Variants in ZSCAN1 observed in about 807,000 individuals in gnomAD.
The protein encoded by ZSCAN1 is zinc finger and SCAN domain-containing protein 1.
A neutral mutation model predicts 23.8 loss-of-function variants in ZSCAN1; 23 were observed. That is an observed-to-expected ratio of 0.97 (90% CI 0.70 to 1.37). ZSCAN1 has a LOEUF of 1.37. Ranked by LOEUF, ZSCAN1 falls within the 40% of genes most tolerant of loss-of-function variation. The pLI is 0.00. For missense variants in ZSCAN1, 575 were observed against 554.0 expected (o/e 1.04, Z -0.38); for synonymous variants, 236 against 232.3 (o/e 1.02, Z -0.15).
chr19:58,040,915 G>A lies in ZSCAN1; in HGVS notation c.465+371G>A, dbSNP rs1379931844. 2.0e-5 allele frequency among the ~76,000 whole-genome samples: 3 copies of A among 152,130 alleles called. No homozygotes were observed. Among genetic ancestry groups the A allele is most frequent in the East Asian group, 1.9e-4 (1 of 5,180 alleles). On this transcript the variant is annotated intron_variant, in intron 4 of 5. Transcript: ENST00000282326. This position sits in a 1 kb window ranked among gnomAD's most constrained non-coding sequence, Gnocchi z 5.8. Reference sequence around the variant, plus strand: ...CCTCAGTGAACCCAGGATTCTGGGCGGGCCCAGAAGGAAATGCTGAGGGCT... The same window carrying A: ...CCTCAGTGAACCCAGGATTCTGGGCAGGCCCAGAAGGAAATGCTGAGGGCT...
chr19:58,044,730 G>A, intron 4 of ZSCAN1: 3 of 742,524 alleles, frequency 4.0e-6, no homozygotes, highest in Middle Eastern at 3.6e-4. Context: ...GGAGCTGCCC[G>A]AAAGTTTCAT....
intron 4 of ZSCAN1, among the ~76,000 whole-genome samples, chr19:58,042,845 C>T (rs970330747): frequency 6.6e-6 from 1 of 152,222 alleles, no homozygotes; most frequent in Non-Finnish European, 1.5e-5. Context: ...GTCCTCCCAC[C>T]CCTCTCCCAC....
chr19:58,038,325 C>A (rs2073757318), intron 3 of ZSCAN1, 119 bp downstream of exon 3: 4 of 1,288,062 alleles, frequency 3.1e-6, no homozygotes, highest in Non-Finnish European at 4.2e-6. Flanking sequence ...TCCCGACCAG[C>A]AAACCTCTCC....
At chr19:58,044,982 G>GA (rs2073815408) in intron 4 of ZSCAN1, 1 of 1,126,490 alleles carries the variant, frequency 8.9e-7, no homozygotes, top group Non-Finnish European at 1.3e-6. Context: ...ACAAGAACAA[G>GA]AAGCTGGAGG....
intron 4 of ZSCAN1, chr19:58,044,712 G>A: frequency 4.0e-6 from 3 of 757,246 alleles, no homozygotes; most frequent in Non-Finnish European, 7.2e-6. Flanking sequence ...CCAGCACCCT[G>A]GGGTTGAGGA....
Position 58,054,050 on chromosome 19 carries a change from G to A in ZSCAN1, c.1226G>A (p.Ter409=), listed in dbSNP as rs201828583. ...QKLHTAHGHM[*] ...CTCCACACGGCCCACGGCCACATGT[G>A]AATGGCCAGCCTCGGGCCTCGGCCA... The change falls in exon 6 of 6, where the codon TGA becomes TAA. Residue 409 remains the stop codon, a stop_retained_variant. Transcript: ENST00000282326. This position sits in a 1 kb window ranked among gnomAD's most constrained non-coding sequence, Gnocchi z 4.2. 1 of 1,506,478 alleles carries A rather than the reference G, an allele frequency of 6.6e-7. No homozygotes were observed. The highest frequency in any genetic ancestry group is 2.2e-5 in the Admixed American group (1 of 45,260). The allele number at this position is 1,506,478 out of a possible 1,614,324, so 93.3% of individuals were successfully genotyped here. A position where few individuals can be genotyped will look rare whatever the true frequency, so the allele number is the denominator to read the frequency against.
Position 58,049,917 on chromosome 19 carries a change from T to A in ZSCAN1, c.466-2573T>A, listed in dbSNP as rs2073848564. Among the ~76,000 whole-genome samples, 1 of 152,184 alleles carries A rather than the reference T, an allele frequency of 6.6e-6. No individual in the cohort carries two copies. Among genetic ancestry groups the A allele is most frequent in the Admixed American group, 6.5e-5 (1 of 15,280 alleles). On this transcript the variant is annotated intron_variant, in intron 4 of 5. Coordinates refer to ENST00000282326, the MANE Select transcript of ZSCAN1 (RefSeq NM_182572.4). This position sits in a 1 kb window ranked among gnomAD's most constrained non-coding sequence, Gnocchi z 4.5. ...TTTCTTGTGGGCATTCTCGGGTTTT[T>A]TCACTTTACTCCACTGTGTTGCTGC...
intron 1 of ZSCAN1, chr19:58,035,436 A>C (rs1437989389): frequency 6.6e-6 from 1 of 152,196 alleles, no homozygotes; most frequent in Non-Finnish European, 1.5e-5. Flanking sequence ...ATCTCCTCCC[A>C]CAGACCTCAG....
chr19:58,051,784 G>C (rs1481646092), intron 4 of ZSCAN1, among the ~76,000 whole-genome samples: 1 of 152,186 alleles, frequency 6.6e-6, no homozygotes, highest in African/African-American at 2.4e-5. Flanking sequence ...TGGGCACGTA[G>C]CACCCACATC....
chr19:58,050,050 T>C (rs1018456337), intron 4 of ZSCAN1, among the ~76,000 whole-genome samples: 2 of 151,854 alleles, frequency 1.3e-5, no homozygotes, highest in Admixed American at 1.3e-4. Flanking sequence ...GGTTGGTATC[T>C]CCTACTCCAC....
chr19:58,043,271 G>A (rs1286042153), intron 4 of ZSCAN1, among the ~76,000 whole-genome samples: 2 of 152,214 alleles, frequency 1.3e-5, no homozygotes, highest in Admixed American at 1.3e-4. Context: ...TTTCGTCACC[G>A]TGCATACATC....
chr19:58,045,969 A>G lies in ZSCAN1; in HGVS notation c.465+5425A>G. Reference sequence around the variant, plus strand: ...TGGACAAGGCCAAGCTAGAGGCCACACTGCAGGAGAAGGCGACCATGCAGT... The same window carrying G: ...TGGACAAGGCCAAGCTAGAGGCCACGCTGCAGGAGAAGGCGACCATGCAGT... On this transcript the variant is annotated intron_variant, in intron 4 of 5. Coordinates refer to ENST00000282326, the MANE Select transcript of ZSCAN1 (RefSeq NM_182572.4). The surrounding 1 kb of genome is among the most constrained non-coding windows in gnomAD (Gnocchi z 4.3). 1.3e-6 allele frequency: 1 copy of G among 758,402 alleles called. No homozygotes were observed. Among genetic ancestry groups the G allele is most frequent in the Non-Finnish European group, 2.3e-6 (1 of 426,716 alleles). The allele number at this position is 758,402 out of a possible 1,614,324, so 47.0% of individuals were successfully genotyped here. A position where few individuals can be genotyped will look rare whatever the true frequency, so the allele number is the denominator to read the frequency against.
At chr19:58,036,969 C>A (rs1042490053) in intron 2 of ZSCAN1, among the ~76,000 whole-genome samples, 3 of 152,160 alleles carry the variant, frequency 2.0e-5, no homozygotes, top group African/African-American at 4.8e-5. Flanking sequence ...CAGGTGTGAG[C>A]CACGGCACCC....
At position 58,054,581 on chromosome 19, in the gene ZSCAN1, T is replaced by C. The variant is rs1335791214; in HGVS notation, c.*530T>C. ...TTTTTCCTTTTTTGGGTAAAGTACA[T>C]GCAACATAAAATTTACCATTTCAGT... On this transcript the variant is annotated 3_prime_UTR_variant, in exon 6 of 6. Transcript: ENST00000282326. The surrounding 1 kb of genome is among the most constrained non-coding windows in gnomAD (Gnocchi z 4.2). 6.5e-6 allele frequency: 1 copy of C among 153,010 alleles called. No homozygotes were observed. The highest frequency in any genetic ancestry group is 1.5e-5 in the Non-Finnish European group (1 of 68,724). 9.5% of individuals were successfully genotyped at this position (153,010 alleles called of 1,614,324 possible). A position where few individuals can be genotyped will look rare whatever the true frequency, so the allele number is the denominator to read the frequency against.
chr19:58,048,123 C>T (rs2073837746), intron 4 of ZSCAN1, among the ~76,000 whole-genome samples: 1 of 152,210 alleles, frequency 6.6e-6, no homozygotes, highest in South Asian at 2.1e-4. Context: ...AGAAACTTGA[C>T]AAAATAGGAA....
downstream of ZSCAN1, among the ~76,000 whole-genome samples, chr19:58,056,162 C>T (rs957034340): frequency 2.6e-5 from 4 of 152,204 alleles, no homozygotes; most frequent in African/African-American, 4.8e-5. Flanking sequence ...GTTCCCTCTG[C>T]CCCATCCCCA....
intron 4 of ZSCAN1, among the ~76,000 whole-genome samples, chr19:58,048,519 GC>G (rs1407410685): frequency 6.6e-6 from 1 of 152,182 alleles, no homozygotes; most frequent in African/African-American, 2.4e-5. Context: ...TTGCTCTGTT[GC>G]CCAGGCTGGA....
intron 4 of ZSCAN1, among the ~76,000 whole-genome samples, chr19:58,048,297 T>C (rs1280542165): frequency 6.6e-6 from 1 of 152,196 alleles, no homozygotes. Context: ...ACCCTGCAAG[T>C]GTTTCAAGCT....
chr19:58,040,671 G>A lies in ZSCAN1; in HGVS notation c.465+127G>A. ...GTCCCCAGCGCTCCCAGGAAGCCCG[G>A]CCTCCAAACTCCCCGCCTGCCCCAC... On this transcript the variant is annotated intron_variant, in intron 4 of 5. Transcript: ENST00000282326. The surrounding 1 kb of genome is among the most constrained non-coding windows in gnomAD (Gnocchi z 5.8). The A allele has an allele frequency of 1.1e-6, 1 of 876,302 alleles. No individual in the cohort carries two copies. Among genetic ancestry groups the A allele is most frequent in the Admixed American group, 2.3e-5 (1 of 43,002 alleles). 54.3% of individuals were successfully genotyped at this position (876,302 alleles called of 1,614,324 possible). A position where few individuals can be genotyped will look rare whatever the true frequency, so the allele number is the denominator to read the frequency against.
Sources: gnomAD v4.1 joint callset for allele counts (sites outside exome capture counted in the v4.1 genomes callset) on GRCh38, gnomAD v4.1.1 for gene constraint, Gnocchi (gnomAD v3.1) non-coding constraint, MANE v1.5 for transcripts, NCBI Gene and HGNC (gene_info 2026-07-23, HGNC 2026-07-21) for gene names.